INSYN2A: variants seen among roughly 807,000 people sequenced by gnomAD.
INSYN2A encodes the protein family with sequence similarity 196 member A.
A neutral mutation model predicts 39.4 loss-of-function variants in INSYN2A; 17 were observed. The observed-to-expected ratio is 0.43, with a 90% CI of 0.30 to 0.65. The LOEUF (loss-of-function observed/expected upper bound fraction) is 0.65. Ranked by LOEUF, INSYN2A falls within the 30% of genes least tolerant of loss-of-function variation. The pLI, the probability that INSYN2A is intolerant of heterozygous loss-of-function variation, is 0.14. For synonymous variants in INSYN2A, 255 were observed against 265.7 expected, an observed-to-expected ratio of 0.96 and a Z score of 0.39; for missense variants, 595 against 631.2, an observed-to-expected ratio of 0.94 and a Z score of 0.61.
intron 5 of INSYN2A, 147 bp from the exon 6 acceptor site, chr10:127,138,167 T>C (rs2133234837): frequency 1.4e-6 from 1 of 695,906 alleles, no homozygotes; most frequent in Non-Finnish European, 2.3e-6. Flanking sequence ...TACTATGTTT[T>C]AGCTCTGTGC....
intron 4 of INSYN2A, among the ~76,000 whole-genome samples, chr10:127,154,206 G>A (rs1170977780): frequency 6.6e-6 from 1 of 152,226 alleles, no homozygotes; most frequent in Non-Finnish European, 1.5e-5. Flanking sequence ...AATGTGGGAT[G>A]TTTCAATGCA....
chr10:127,162,123 C>G (rs978570737), intron 4 of INSYN2A, among the ~76,000 whole-genome samples: 1 of 152,184 alleles, frequency 6.6e-6, no homozygotes, highest in South Asian at 2.1e-4. Flanking sequence ...CCAGCTCTTT[C>G]GCCTGCAGAT....
chr10:127,160,092 G>A lies in INSYN2A; in HGVS notation c.1185-6169C>T, dbSNP rs114019301. On this transcript the variant is annotated intron_variant, in intron 4 of 5. Transcript: ENST00000522781. ...GAGAGGCAGGACTAACAACTCTGAG[G>A]CAATCATAACAAAACATGAATTGTT... Among the ~76,000 whole-genome samples, 1,119 of 151,278 alleles carry A rather than the reference G, an allele frequency of 7.4e-3. 3 individuals carry two copies. The highest frequency in any genetic ancestry group is 0.01 in the Admixed American group (155 of 15,206).
At chr10:127,184,218 G>C (rs909546688) in intron 2 of INSYN2A, among the ~76,000 whole-genome samples, 1 of 152,070 alleles carries the variant, frequency 6.6e-6, no homozygotes, top group Admixed American at 6.5e-5. Flanking sequence ...GGTTTGCATT[G>C]GGGTCACGAG....
intron 2 of INSYN2A, among the ~76,000 whole-genome samples, chr10:127,180,587 C>T (rs1441843761): frequency 1.3e-5 from 2 of 152,156 alleles, no homozygotes; most frequent in African/African-American, 4.8e-5. Context: ...GCTGTAAATA[C>T]ATAAACCCTG....
At chr10:127,189,492 T>C (rs2056559463) in intron 2 of INSYN2A, among the ~76,000 whole-genome samples, 1 of 152,122 alleles carries the variant, frequency 6.6e-6, no homozygotes, top group African/African-American at 2.4e-5. Context: ...ATAGACACAA[T>C]AAATAAAGTA....
chr10:127,139,644 C>A (rs1008910171), intron 5 of INSYN2A, among the ~76,000 whole-genome samples: 1 of 152,164 alleles, frequency 6.6e-6, no homozygotes, highest in Non-Finnish European at 1.5e-5. Context: ...GCCTCAGTTC[C>A]GTGATGTGGT....
chr10:127,181,768 T>C (rs1215298747), intron 2 of INSYN2A, among the ~76,000 whole-genome samples: 1 of 152,012 alleles, frequency 6.6e-6, no homozygotes, highest in African/African-American at 2.4e-5. Context: ...GGAGGTAAAA[T>C]AGAACCTCAC....
chr10:127,152,226 G>A (rs956778982), intron 5 of INSYN2A, among the ~76,000 whole-genome samples: 2 of 152,160 alleles, frequency 1.3e-5, no homozygotes, highest in Non-Finnish European at 2.9e-5. Flanking sequence ...TGATGTTCAC[G>A]GAGGGTCATT....
intron 2 of INSYN2A, among the ~76,000 whole-genome samples, chr10:127,188,776 A>G (rs926572233): frequency 1.6e-4 from 24 of 152,244 alleles, no homozygotes; most frequent in African/African-American, 5.5e-4. Context: ...AGCACAAGCT[A>G]GGTACCGTTC....
chr10:127,183,064 G>A (rs1488402225), intron 2 of INSYN2A, among the ~76,000 whole-genome samples: 1 of 117,444 alleles, frequency 8.5e-6, no homozygotes, highest in Non-Finnish European at 1.7e-5. Flanking sequence ...TCCTGATTAT[G>A]GTGAATCTTT....
At chr10:127,190,353 C>T (rs1410395376) in intron 2 of INSYN2A, among the ~76,000 whole-genome samples, 1 of 152,260 alleles carries the variant, frequency 6.6e-6, no homozygotes, top group East Asian at 1.9e-4. Flanking sequence ...TTAATTCCTG[C>T]TACACAAAAA....
At chr10:127,181,133 C>T (rs1179014263) in intron 2 of INSYN2A, among the ~76,000 whole-genome samples, 3 of 151,978 alleles carry the variant, frequency 2.0e-5, no homozygotes, top group African/African-American at 4.8e-5. Flanking sequence ...TGAGGGAGCC[C>T]TGATAAAGAA....
chr10:127,193,610 T>C lies in INSYN2A; in HGVS notation c.-394-880A>G, dbSNP rs112068356. ...ACAAATGTCTACGTGAACGGGTCTG[T>C]CCTGCCACTCCACTGCGATCCGTTG... On this transcript the variant is annotated intron_variant, in intron 1 of 5. Coordinates refer to ENST00000522781, the MANE Select transcript of INSYN2A (RefSeq NM_001039762.3). Among the ~76,000 whole-genome samples, 509 of 152,314 alleles carry C rather than the reference T, an allele frequency of 3.3e-3. 5 individuals carry two copies. Among genetic ancestry groups the C allele is most frequent in the African/African-American group, 0.012 (488 of 41,560 alleles).
intron 4 of INSYN2A, among the ~76,000 whole-genome samples, chr10:127,171,154 A>G (rs1310100327): frequency 2.6e-5 from 4 of 152,206 alleles, no homozygotes; most frequent in Admixed American, 2.0e-4. Flanking sequence ...TCTCAGCCAT[A>G]AACATTCTCT....
At chr10:127,151,074 C>T (rs777918461) in intron 5 of INSYN2A, among the ~76,000 whole-genome samples, 1 of 152,140 alleles carries the variant, frequency 6.6e-6, no homozygotes, top group Non-Finnish European at 1.5e-5. Flanking sequence ...AATTAATGGA[C>T]CAGAAGTGAA....
intron 2 of INSYN2A, among the ~76,000 whole-genome samples, chr10:127,177,497 T>C (rs1447269954): frequency 6.6e-6 from 1 of 152,200 alleles, no homozygotes; most frequent in Non-Finnish European, 1.5e-5. Context: ...CTTCGCCTTT[T>C]CCCCCCTTGT....
At chr10:127,148,030 C>CAAAAAAAAAAAAAAAAAAAAAAA (rs57503481) in intron 5 of INSYN2A, among the ~76,000 whole-genome samples, 1 of 63,276 alleles carries the variant, frequency 1.6e-5, no homozygotes, top group African/African-American at 4.4e-5. Context: ...GACTCTGTCT[C>CAAAAAAAAAAAAAAAAAAAAAAA]AAAAAAAAAA....
At chr10:127,159,210 T>C (rs2053367239) in intron 4 of INSYN2A, among the ~76,000 whole-genome samples, 1 of 152,224 alleles carries the variant, frequency 6.6e-6, no homozygotes, top group Non-Finnish European at 1.5e-5. Flanking sequence ...TTTACATTTC[T>C]GTTTTGTAGT....
Sources: allele counts gnomAD v4.1 joint callset (sites outside exome capture counted in the v4.1 genomes callset), GRCh38; gene constraint gnomAD v4.1.1; transcripts MANE v1.5; gene names NCBI Gene and HGNC (gene_info 2026-07-23, HGNC 2026-07-21).